The following ANXA4 variants were observed in gnomAD, a reference collection of about 807,000 sequenced individuals.
The protein encoded by ANXA4 is annexin A4.
ANXA4 carries 39 observed loss-of-function variants against 49.8 expected under a neutral mutation model. The observed-to-expected ratio is 0.78, with a 90% CI of 0.61 to 1.02. ANXA4 has a LOEUF of 1.02. Ranked by LOEUF, ANXA4 falls within the 50% of genes least tolerant of loss-of-function variation. The pLI is 0.00. For missense variants in ANXA4, 360 were observed against 410.1 expected (o/e 0.88, Z 1.05); for synonymous variants, 134 against 152.5 (o/e 0.88, Z 0.89).
chr2:69,653,665 G>A (rs1044983509), intron 2 of ANXA4, among the ~76,000 whole-genome samples: 1 of 152,174 alleles, frequency 6.6e-6, no homozygotes, highest in Non-Finnish European at 1.5e-5. Context: ...TTGCCCTCTT[G>A]CCTAAGCTGA....
chr2:69,746,415 A>G (rs1670616367), intron 1 of ANXA4, among the ~76,000 whole-genome samples: 1 of 152,190 alleles, frequency 6.6e-6, no homozygotes, highest in Non-Finnish European at 1.5e-5. Flanking sequence ...TAACACCTCT[A>G]GAACAATGTA....
chr2:69,806,300 C>T, intron 4 of ANXA4, 85 bp from the exon 5 acceptor site: 1 of 926,088 alleles, frequency 1.1e-6, no homozygotes, highest in South Asian at 1.4e-5. Context: ...GTCTTGGAGA[C>T]CCCAGACATC....
At chr2:69,695,102 C>T (rs1186911173) in intron 2 of ANXA4, among the ~76,000 whole-genome samples, 1 of 151,902 alleles carries the variant, frequency 6.6e-6, no homozygotes, top group African/African-American at 2.4e-5. Context: ...CATGATTGCG[C>T]CACTGCACTC....
chr2:69,675,051 T>C (rs1339019869), intron 2 of ANXA4, among the ~76,000 whole-genome samples: 1 of 151,842 alleles, frequency 6.6e-6, no homozygotes, highest in Non-Finnish European at 1.5e-5. Flanking sequence ...GCCTCCTGAG[T>C]AGCTGAGACT....
At chr2:69,743,100 G>C (rs748728690) in intron 1 of ANXA4, among the ~76,000 whole-genome samples, 3 of 152,188 alleles carry the variant, frequency 2.0e-5, no homozygotes, top group Non-Finnish European at 4.4e-5. Flanking sequence ...CTGCCTCCCA[G>C]GCTCAGGTGT....
rs1676176471 is a variant in ANXA4, at chr2:69,650,125, A to G, written n.482-2873A>G. Among the ~76,000 whole-genome samples, 3 of 151,534 alleles carry G rather than the reference A, an allele frequency of 2.0e-5. No individual in the cohort carries two copies. The South Asian group carries it at 6.2e-4, about 32-fold the overall frequency. On this transcript the variant is annotated intron_variant and non_coding_transcript_variant, in intron 1 of 3. Transcript: ENST00000418066. The stretch of plus-strand genomic sequence containing the variant: ...TAATTTTTGTATTTTTTGTAGACAC[A>G]GGGTTTCACCATGTTGGCCAGGCTG...
chr2:69,686,174 CTTGTT>C (rs56703980), intron 2 of ANXA4, among the ~76,000 whole-genome samples: 66 of 151,736 alleles, frequency 4.3e-4, no homozygotes, highest in East Asian at 5.8e-4. Flanking sequence ...GAGACAGGGT[CTTGTT>C]TTGTTTTGTT....
chr2:69,752,854 G>C (rs4852993), intron 1 of ANXA4, among the ~76,000 whole-genome samples: 34,128 of 152,112 alleles, frequency 0.22, 4,373 homozygotes, highest in East Asian at 0.36. Flanking sequence ...CTCTTGCTCC[G>C]TTCATGGTGT....
intron 12 of ANXA4, among the ~76,000 whole-genome samples, chr2:69,822,150 C>G (rs1408324970): frequency 6.6e-6 from 1 of 152,018 alleles, no homozygotes; most frequent in African/African-American, 2.4e-5. Flanking sequence ...CACTTGAGCC[C>G]GGGAGTTCGA....
chr2:69,771,594 A>G (rs963912329), intron 1 of ANXA4, among the ~76,000 whole-genome samples: 1 of 152,184 alleles, frequency 6.6e-6, no homozygotes, highest in Non-Finnish European at 1.5e-5. Flanking sequence ...TTACCTCCAC[A>G]TATAGCCTAC....
At chr2:69,795,021 G>A (rs1011514336) in intron 3 of ANXA4, among the ~76,000 whole-genome samples, 1 of 152,158 alleles carries the variant, frequency 6.6e-6, no homozygotes, top group African/African-American at 2.4e-5. Flanking sequence ...ACCAGAACTA[G>A]GTACTTTACT....
In ANXA4 at chr2:69,820,796, G is replaced by A; in HGVS notation, c.881G>A (p.Gly294Glu). 2 of 1,614,056 alleles carry A rather than the reference G, an allele frequency of 1.2e-6. No homozygotes were observed. The highest frequency in any genetic ancestry group is 1.7e-6 in the Non-Finnish European group (2 of 1,179,956). Reference protein sequence around the residue: ...DIRAHFKRLYGKSLYSFIKGD... With the variant: ...DIRAHFKRLYEKSLYSFIKGD... ...CGGGCACACTTCAAGAGACTCTATGGAAAGTCTCTGTACTCGTTCATCAAG... is the reference window on the plus strand; with the variant it reads ...CGGGCACACTTCAAGAGACTCTATGAAAAGTCTCTGTACTCGTTCATCAAG... Residue 294 changes from glycine to glutamate, a missense_variant, in exon 12 of 13, where the codon GGA (glycine) becomes GAA (glutamate). Coordinates refer to ENST00000394295, the MANE Select transcript of ANXA4 (RefSeq NM_001153.5).
intron 1 of ANXA4, among the ~76,000 whole-genome samples, chr2:69,772,433 T>C (rs866518594): frequency 2.6e-5 from 4 of 152,088 alleles, no homozygotes; most frequent in East Asian, 1.9e-4. Context: ...GGGAAGGTTA[T>C]AGGTGGAACT....
intron 2 of ANXA4, among the ~76,000 whole-genome samples, chr2:69,718,882 A>G (rs949913281): frequency 6.6e-6 from 1 of 151,132 alleles, no homozygotes; most frequent in South Asian, 2.1e-4. Flanking sequence ...ACGCACATGC[A>G]TACACACACA....
chr2:69,793,923 A>G (rs964956649), intron 3 of ANXA4, among the ~76,000 whole-genome samples: 1 of 152,220 alleles, frequency 6.6e-6, no homozygotes. Flanking sequence ...AGAAAAACAT[A>G]AAGGCCTTTT....
chr2:69,715,960 C>T lies in ANXA4; in HGVS notation n.767-4814C>T, dbSNP rs111352102. Among the ~76,000 whole-genome samples, 1,096 of 152,232 alleles carry T rather than the reference C, an allele frequency of 7.2e-3. 15 individuals carry two copies. Among genetic ancestry groups the T allele is most frequent in the African/African-American group, 0.024 (1,009 of 41,518 alleles). ...CAACACTGTCCCTCTAGTCATGGGC[C>T]AAGTGCTGGGCACACGTCACCAGCC... On this transcript the variant is annotated intron_variant and non_coding_transcript_variant, in intron 2 of 3. Coordinates refer to the ANXA4 transcript ENST00000418066.
At chr2:69,774,070 G>A (rs917676646) in intron 1 of ANXA4, among the ~76,000 whole-genome samples, 2 of 151,088 alleles carry the variant, frequency 1.3e-5, no homozygotes, top group African/African-American at 2.4e-5. Context: ...TGATCTGCCC[G>A]CCCCTGCCTC....
At chr2:69,707,744 ACTCTT>A (rs58915237) in intron 2 of ANXA4, among the ~76,000 whole-genome samples, 252 of 152,086 alleles carry the variant, frequency 1.7e-3, no homozygotes, top group African/African-American at 6.0e-3. Flanking sequence ...ACCCAATTAT[ACTCTT>A]TTAGTTATTT....
chr2:69,767,985 TATA>T, intron 1 of ANXA4, among the ~76,000 whole-genome samples: 1 of 152,088 alleles, frequency 6.6e-6, no homozygotes, highest in South Asian at 2.1e-4. Context: ...TGTACACATA[TATA>T]ATATTCATAT....
Sources: allele counts gnomAD v4.1 joint callset (sites outside exome capture counted in the v4.1 genomes callset), GRCh38; gene constraint gnomAD v4.1.1; transcripts MANE v1.5; gene names NCBI Gene and HGNC (gene_info 2026-07-23, HGNC 2026-07-21).